Variants in THADA observed in about 807,000 individuals in gnomAD.
THADA encodes the protein tRNA (32-2'-O)-methyltransferase regulator THADA.
THADA carries 213 observed loss-of-function variants against 219.8 expected under a neutral mutation model. The observed-to-expected ratio is 0.97, with a 90% CI of 0.87 to 1.09. The LOEUF (loss-of-function observed/expected upper bound fraction) is 1.09, where lower values mean the gene tolerates loss of function less well. Among genes scored for constraint, THADA ranks in the 50% least tolerant of loss-of-function variants. The pLI is 0.00. For synonymous variants in THADA, 1,018 were observed against 828.9 expected, an observed-to-expected ratio of 1.23 and a Z score of -3.92; for missense variants, 2,956 against 2,311.3, an observed-to-expected ratio of 1.28 and a Z score of -5.72.
chr2:43,327,421 G>C (rs948220574), intron 30 of THADA, among the ~76,000 whole-genome samples: 6 of 148,076 alleles, frequency 4.1e-5, no homozygotes, highest in African/African-American at 1.2e-4. Flanking sequence ...AGGAAAAGTG[G>C]GTGAGAGGCA....
intron 36 of THADA, among the ~76,000 whole-genome samples, chr2:43,275,055 T>A (rs2104289010): frequency 6.7e-6 from 1 of 148,486 alleles, no homozygotes. Context: ...AGTGCAGTGG[T>A]GTGATCTTGG....
chr2:43,357,557 G>T (rs565438769), intron 29 of THADA, among the ~76,000 whole-genome samples: 1 of 152,292 alleles, frequency 6.6e-6, no homozygotes, highest in South Asian at 2.1e-4. Flanking sequence ...ATGAGCAAAG[G>T]TGTAGATGCT....
chr2:43,263,655 C>A (rs1671208499), intron 36 of THADA, among the ~76,000 whole-genome samples: 1 of 152,140 alleles, frequency 6.6e-6, no homozygotes, highest in African/African-American at 2.4e-5. Flanking sequence ...CCAAATTCAC[C>A]CTCCTTTCAT....
At chr2:43,511,200 G>A (rs1450010797) in intron 22 of THADA, among the ~76,000 whole-genome samples, 1 of 152,114 alleles carries the variant, frequency 6.6e-6, no homozygotes, top group African/African-American at 2.4e-5. Flanking sequence ...TAGGGGATTT[G>A]CTACGTAGGA....
chr2:43,240,817 C>G (rs931363278), intron 36 of THADA, among the ~76,000 whole-genome samples: 1 of 152,212 alleles, frequency 6.6e-6, no homozygotes, highest in Non-Finnish European at 1.5e-5. Context: ...GGTTAACAGT[C>G]TCTGTCCTTT....
intron 36 of THADA, among the ~76,000 whole-genome samples, chr2:43,256,860 C>T (rs900100675): frequency 5.7e-4 from 86 of 152,074 alleles, no homozygotes; most frequent in African/African-American, 2.0e-3. Context: ...ATTATAGGTG[C>T]GAGCCACTAC....
intron 22 of THADA, among the ~76,000 whole-genome samples, chr2:43,521,644 G>T (rs1412987940): frequency 6.6e-6 from 1 of 152,222 alleles, no homozygotes; most frequent in African/African-American, 2.4e-5. Flanking sequence ...AAGTGAACAG[G>T]CCAGGCTATA....
At chr2:43,593,824 G>A (rs1227511628) in intron 1 of THADA, among the ~76,000 whole-genome samples, 4 of 151,916 alleles carry the variant, frequency 2.6e-5, no homozygotes, top group African/African-American at 7.3e-5. Flanking sequence ...TAGTAGAGAC[G>A]GGGTTTCATC....
At chr2:43,426,772 ACT>A (rs1483104718) in intron 28 of THADA, among the ~76,000 whole-genome samples, 1 of 151,974 alleles carries the variant, frequency 6.6e-6, no homozygotes, top group Non-Finnish European at 1.5e-5. Flanking sequence ...CATAAGAAAT[ACT>A]CTCTTGAGTT....
At chr2:43,504,813 G>C (rs921764856) in intron 24 of THADA, among the ~76,000 whole-genome samples, 1 of 152,210 alleles carries the variant, frequency 6.6e-6, no homozygotes, top group African/African-American at 2.4e-5. Context: ...GAACCCAGGA[G>C]GCGGAGGTTG....
rs1691423078 is a variant in THADA at position 43,515,214 on chromosome 2, A to ATATATT, written c.3375-6435_3375-6434insAATATA. Among the ~76,000 whole-genome samples, 56 of 19,612 alleles carry ATATATT rather than the reference A, an allele frequency of 2.9e-3. 8 individuals carry two copies. The highest frequency in any genetic ancestry group is 3.9e-3 in the South Asian group (2 of 518). The allele number at this position is 19,612 out of a possible 152,430, so 12.9% of individuals were successfully genotyped here. ...ATATTATATATAATATATAATATAT[A>ATATATT]ATATATTATATATAATATATAATAT... On this transcript the variant is annotated intron_variant, in intron 22 of 37. Transcript: ENST00000405975.
chr2:43,531,384 T>C (rs1693843312), intron 21 of THADA, among the ~76,000 whole-genome samples: 1 of 152,196 alleles, frequency 6.6e-6, no homozygotes, highest in Admixed American at 6.5e-5. Flanking sequence ...GGTCTTTTCA[T>C]ATCAATGAAT....
At chr2:43,280,313 A>G (rs1255296302) in intron 35 of THADA, among the ~76,000 whole-genome samples, 1 of 152,174 alleles carries the variant, frequency 6.6e-6, no homozygotes, top group African/African-American at 2.4e-5. Flanking sequence ...TGAAGCATCA[A>G]TCAAGATTAT....
chr2:43,533,098 T>G (rs912707542), intron 21 of THADA, among the ~76,000 whole-genome samples: 1 of 152,156 alleles, frequency 6.6e-6, no homozygotes, highest in African/African-American at 2.4e-5. Flanking sequence ...CAGACACTTC[T>G]CAAAAGAAGA....
chr2:43,371,122 T>A (rs1474476401), intron 29 of THADA, among the ~76,000 whole-genome samples: 2 of 152,220 alleles, frequency 1.3e-5, no homozygotes, highest in African/African-American at 4.8e-5. Context: ...ACATAGTAAC[T>A]TGAAGGTAGA....
At chr2:43,242,634 G>A (rs766846314) in intron 36 of THADA, among the ~76,000 whole-genome samples, 1 of 152,062 alleles carries the variant, frequency 6.6e-6, no homozygotes, top group South Asian at 2.1e-4. Context: ...AAGACTATAG[G>A]CACACCATCA....
At chr2:43,241,047 G>A (rs1168480116) in intron 36 of THADA, among the ~76,000 whole-genome samples, 1 of 152,000 alleles carries the variant, frequency 6.6e-6, no homozygotes, top group African/African-American at 2.4e-5. Flanking sequence ...TAAGTCTGGG[G>A]GGAATTCAGA....
At chr2:43,320,925 A>T (rs1244284011) in intron 30 of THADA, among the ~76,000 whole-genome samples, 1 of 152,184 alleles carries the variant, frequency 6.6e-6, no homozygotes, top group Admixed American at 6.5e-5. Flanking sequence ...GGGAAAAAAA[A>T]TCAGTCATGA....
At chr2:43,328,215 A>AAT (rs1309483336) in intron 30 of THADA, among the ~76,000 whole-genome samples, 3 of 152,156 alleles carry the variant, frequency 2.0e-5, no homozygotes, top group Non-Finnish European at 2.9e-5. Flanking sequence ...TGAACTGTAG[A>AAT]ATATATATAT....
Sources: gnomAD v4.1 joint callset for allele counts (sites outside exome capture counted in the v4.1 genomes callset) on GRCh38, gnomAD v4.1.1 for gene constraint, MANE v1.5 for transcripts, NCBI Gene and HGNC (gene_info 2026-07-23, HGNC 2026-07-21) for gene names.